RARB: variants seen among roughly 807,000 people sequenced by gnomAD.
RARB encodes the protein retinoic acid receptor beta, also known as HBV-activated protein.
A neutral mutation model predicts 51.9 loss-of-function variants in RARB; 17 were observed. That is an observed-to-expected ratio of 0.33 (90% CI 0.22 to 0.49). RARB has a LOEUF of 0.49. RARB is among the 20% of genes least tolerant of loss of function. The pLI is 0.99. For missense variants in RARB, 369 were observed against 550.8 expected (o/e 0.67, Z 3.30); for synonymous variants, 215 against 195.4 (o/e 1.10, Z -0.84).
intron 2 of RARB, among the ~76,000 whole-genome samples, chr3:25,468,966 C>T (rs986720433): frequency 6.6e-6 from 1 of 152,252 alleles, no homozygotes; most frequent in Non-Finnish European, 1.5e-5. Context: ...GATGGCGTGT[C>T]TTCTCCACAA....
intron 2 of RARB, among the ~76,000 whole-genome samples, chr3:24,881,617 T>C (rs1197533881): frequency 6.6e-6 from 1 of 152,182 alleles, no homozygotes; most frequent in African/African-American, 2.4e-5. Flanking sequence ...GTTTGAGAAT[T>C]ATAGTGGCAT....
At chr3:25,422,178 G>A (rs549066838) in intron 5 of RARB, among the ~76,000 whole-genome samples, 3 of 152,146 alleles carry the variant, frequency 2.0e-5, no homozygotes, top group Non-Finnish European at 4.4e-5. Context: ...TGCTGAACTA[G>A]GAATTAAGGC....
At chr3:25,512,623 G>A (rs1458689564) in intron 3 of RARB, among the ~76,000 whole-genome samples, 3 of 152,200 alleles carry the variant, frequency 2.0e-5, no homozygotes, top group African/African-American at 4.8e-5. Flanking sequence ...CTCTCTGCCT[G>A]CAATGCCTTT....
At chr3:25,120,483 G>A (rs1256207912) in intron 3 of RARB, among the ~76,000 whole-genome samples, 2 of 149,990 alleles carry the variant, frequency 1.3e-5, no homozygotes, top group Non-Finnish European at 3.0e-5. Context: ...CACTGTATGG[G>A]TCAGTACTAT....
At chr3:25,341,586 C>T (rs1705229371) in intron 5 of RARB, among the ~76,000 whole-genome samples, 1 of 152,114 alleles carries the variant, frequency 6.6e-6, no homozygotes, top group Non-Finnish European at 1.5e-5. Context: ...GTGACTGACT[C>T]TCCTATTCAT....
chr3:24,870,326 C>A (rs1702923621), intron 2 of RARB, among the ~76,000 whole-genome samples: 1 of 151,938 alleles, frequency 6.6e-6, no homozygotes, highest in Admixed American at 6.6e-5. Context: ...ATGTCTGTAA[C>A]TGATGTGAAG....
intron 2 of RARB, among the ~76,000 whole-genome samples, chr3:24,979,805 A>G (rs1418246829): frequency 6.6e-6 from 1 of 151,940 alleles, no homozygotes; most frequent in African/African-American, 2.4e-5. Context: ...TGTGAATTTG[A>G]TCCTGTCATT....
At chr3:25,127,572 C>T (rs1699882406) in intron 3 of RARB, among the ~76,000 whole-genome samples, 1 of 152,032 alleles carries the variant, frequency 6.6e-6, no homozygotes, top group Admixed American at 6.6e-5. Context: ...TTCTGGCTTC[C>T]CACTACCACA....
intron 3 of RARB, among the ~76,000 whole-genome samples, chr3:25,065,122 A>ATT (rs72410181): frequency 7.6e-5 from 11 of 145,020 alleles, no homozygotes; most frequent in East Asian, 4.1e-4. Flanking sequence ...CTAGAACTTC[A>ATT]TTTTTTTTTT....
At chr3:24,890,205 G>T (rs1295387623) in intron 2 of RARB, among the ~76,000 whole-genome samples, 1 of 152,140 alleles carries the variant, frequency 6.6e-6, no homozygotes, top group Non-Finnish European at 1.5e-5. Flanking sequence ...CCTTGCTGGT[G>T]CTGTCTGTAG....
At chr3:25,220,709 A>C (rs1701928701) in intron 5 of RARB, among the ~76,000 whole-genome samples, 1 of 152,158 alleles carries the variant, frequency 6.6e-6, no homozygotes, top group African/African-American at 2.4e-5. Context: ...AAGTTTCCTG[A>C]GGCCTCCCAA....
intron 4 of RARB, among the ~76,000 whole-genome samples, chr3:25,151,353 TTTG>T (rs1700283717): frequency 6.6e-6 from 1 of 152,230 alleles, no homozygotes; most frequent in South Asian, 2.1e-4. Flanking sequence ...CCTTAGAAAT[TTTG>T]TTCTCTCTTT....
chr3:25,106,536 C>T, intron 3 of RARB, among the ~76,000 whole-genome samples: 1 of 144,706 alleles, frequency 6.9e-6, no homozygotes, highest in Non-Finnish European at 1.5e-5. Flanking sequence ...CTCCTGGGCT[C>T]AAGCAATCTG....
chr3:24,978,326 A>G (rs9681151), intron 2 of RARB, among the ~76,000 whole-genome samples: 104,588 of 151,976 alleles, frequency 0.69, 36,375 homozygotes, highest in East Asian at 0.84. Flanking sequence ...TTCAGAAGGA[A>G]TGGTACCAGC....
At chr3:25,351,928 A>C (rs896850845) in intron 5 of RARB, among the ~76,000 whole-genome samples, 4 of 152,170 alleles carry the variant, frequency 2.6e-5, no homozygotes, top group Non-Finnish European at 5.9e-5. Context: ...TAGCTGTCGG[A>C]GTTTTCTGAG....
intron 2 of RARB, among the ~76,000 whole-genome samples, chr3:25,043,552 AAAAG>A (rs1698154270): frequency 6.6e-6 from 1 of 152,264 alleles, no homozygotes; most frequent in African/African-American, 2.4e-5. Context: ...AATAGATTCA[AAAAG>A]AAAGAATGTT....
intron 5 of RARB, among the ~76,000 whole-genome samples, chr3:25,581,156 C>G (rs1701157622): frequency 6.6e-6 from 1 of 152,210 alleles, no homozygotes; most frequent in Non-Finnish European, 1.5e-5. Context: ...GACCACCACA[C>G]ACGGGGACCT....
At chr3:25,120,937 C>A (rs1190378396) in intron 3 of RARB, among the ~76,000 whole-genome samples, 1 of 152,116 alleles carries the variant, frequency 6.6e-6, no homozygotes, top group Non-Finnish European at 1.5e-5. Flanking sequence ...CTACAGAGAT[C>A]CTGTGGCCCA....
intron 3 of RARB, among the ~76,000 whole-genome samples, chr3:25,548,082 A>C (rs1699690796): frequency 7.0e-6 from 1 of 142,866 alleles, no homozygotes; most frequent in Non-Finnish European, 1.5e-5. Flanking sequence ...ATATATTGTC[A>C]TTTCTGTGAT....
Sources: gnomAD v4.1 joint callset for allele counts (sites outside exome capture counted in the v4.1 genomes callset) on GRCh38, gnomAD v4.1.1 for gene constraint, MANE v1.5 for transcripts, NCBI Gene and HGNC (gene_info 2026-07-23, HGNC 2026-07-21) for gene names.